IL13RA2: variants seen among roughly 807,000 people sequenced by gnomAD.
The protein encoded by IL13RA2 is interleukin 13 receptor subunit alpha 2, also known as interleukin-13 receptor subunit alpha-2.
Under a neutral mutation model 34.1 loss-of-function variants are expected in IL13RA2, and 25 were observed. The observed-to-expected ratio is 0.73, with a 90% CI of 0.53 to 1.03. IL13RA2 has a LOEUF of 1.03. Among genes scored for constraint, IL13RA2 ranks in the 50% least tolerant of loss-of-function variants. The pLI is 0.00. For synonymous variants in IL13RA2, 106 were observed against 100.4 expected (o/e 1.06, Z -0.33); for missense variants, 297 against 280.9 (o/e 1.06, Z -0.41).
chrX:115,006,491 T>C (rs1206844145), intron 8 of IL13RA2, among the ~76,000 whole-genome samples: 2 of 111,082 alleles, frequency 1.8e-5, no homozygotes, highest in Non-Finnish European at 3.8e-5. Context: ...AAGACCAGCC[T>C]AGCCGACACG....
chrX:115,007,107 G>T (rs1374799307), intron 8 of IL13RA2, among the ~76,000 whole-genome samples: 1 of 111,903 alleles, frequency 8.9e-6, no homozygotes, highest in Non-Finnish European at 1.9e-5. Flanking sequence ...TGCTTGAAAA[G>T]AGTCTGATAC....
intron 6 of IL13RA2, 86 bp from the exon 7 acceptor site, chrX:115,009,752 C>T: frequency 1.3e-6 from 1 of 793,218 alleles, no homozygotes. Flanking sequence ...CATCTGGTAA[C>T]AGAAACCTCC....
At chrX:115,014,321 G>T in intron 4 of IL13RA2, 100 bp downstream of exon 4, 2 of 587,673 alleles carry the variant, frequency 3.4e-6, no homozygotes, top group Non-Finnish European at 5.4e-6. Context: ...ACTGTCACAG[G>T]ATCTATTGTG....
intron 1 of IL13RA2, 93 bp from the exon 2 acceptor site, chrX:115,017,395 C>T (rs2071732683): frequency 2.1e-6 from 1 of 467,513 alleles, no homozygotes. Context: ...TCTCTGTGTG[C>T]TTCTCTACCA....
At chrX:115,012,759 T>C (rs2071710731) in intron 5 of IL13RA2, among the ~76,000 whole-genome samples, 1 of 101,737 alleles carries the variant, frequency 9.8e-6, no homozygotes, top group Non-Finnish European at 2.0e-5. Flanking sequence ...AGGGAGACTC[T>C]TGTCTCAAAC....
rs1403096792 is a variant in IL13RA2, at chrX:115,004,207, A to G, written c.1117-101T>C. ...ATAAGCACAAGAGCATTCAGCAAAC[A>G]AAGTGAAGCATTCTATACACATTCA... On this transcript the variant is annotated intron_variant, in intron 9 of 9. Coordinates refer to ENST00000243213, the MANE Select transcript of IL13RA2 (RefSeq NM_000640.3). 5 of 483,651 alleles carry G rather than the reference A, an allele frequency of 1.0e-5. No individual in the cohort carries two copies. In the East Asian group the frequency reaches 1.9e-4, roughly 18 times the overall value. 39.9% of individuals were successfully genotyped at this position (483,651 alleles called of 1,213,427 possible). A position where few individuals can be genotyped will look rare whatever the true frequency, so the allele number is the denominator to read the frequency against.
In IL13RA2 at chrX:115,017,534, A is replaced by G. The variant is rs1347882984; in HGVS notation, c.-34+19T>C. ...AAGAATAAAAACAAAGCTAAGCAAAAACCCTTGTAGCTCCTCACCTCCCCG... is the reference window on the plus strand; with the variant it reads ...AAGAATAAAAACAAAGCTAAGCAAAGACCCTTGTAGCTCCTCACCTCCCCG... On this transcript the variant is annotated intron_variant, in intron 1 of 9. Transcript: ENST00000243213. The G allele has an allele frequency of 3.9e-6, 1 of 258,284 alleles. No individual in the cohort carries two copies. Among genetic ancestry groups the G allele is most frequent in the East Asian group, 1.0e-4 (1 of 10,037 alleles). 21.3% of individuals were successfully genotyped at this position (258,284 alleles called of 1,213,427 possible). A position where few individuals can be genotyped will look rare whatever the true frequency, so the allele number is the denominator to read the frequency against.
At chrX:115,006,965 G>T (rs891208017) in intron 8 of IL13RA2, among the ~76,000 whole-genome samples, 2 of 111,398 alleles carry the variant, frequency 1.8e-5, no homozygotes, top group African/African-American at 6.5e-5. Context: ...CCACTGTCTT[G>T]CTATTTTTTC....
At chrX:115,014,896 G>A (rs2071720525) in intron 3 of IL13RA2, among the ~76,000 whole-genome samples, 1 of 111,649 alleles carries the variant, frequency 9.0e-6, no homozygotes, top group South Asian at 3.7e-4. Flanking sequence ...TATACCATAG[G>A]CACATTACTT....
At chrX:115,013,697 A>G in intron 5 of IL13RA2, 72 bp downstream of exon 5, 2 of 552,324 alleles carry the variant, frequency 3.6e-6, no homozygotes, top group East Asian at 7.0e-5. Flanking sequence ...GTGAAAATAT[A>G]GTTTACTCAT....
chrX:115,017,038 A>G, intron 2 of IL13RA2, 138 bp downstream of exon 2: 2 of 443,577 alleles, frequency 4.5e-6, no homozygotes, highest in Non-Finnish European at 7.9e-6. Context: ...ACTTCCTGAA[A>G]TAGTTTCAAT....
At chrX:115,014,850 A>C (rs184714863) in intron 3 of IL13RA2, among the ~76,000 whole-genome samples, 1 of 111,475 alleles carries the variant, frequency 9.0e-6, no homozygotes, top group Non-Finnish European at 1.9e-5. Context: ...CAGAAACTTG[A>C]GCTATATCTG....
At position 115,006,405 on chromosome X, in the gene IL13RA2, G is replaced by T. The variant is rs950185905; in HGVS notation, c.998-1090C>A. ...TCATTAAGATTCTATGAAGAGGGCT[G>T]GGCACAGTGGCTCATGCCTGTAATC... On this transcript the variant is annotated intron_variant, in intron 8 of 9. Transcript: ENST00000243213. 9.8e-5 allele frequency among the ~76,000 whole-genome samples: 11 copies of T among 112,191 alleles called. No individual in the cohort carries two copies. The East Asian group carries it at 3.1e-3, about 31-fold the overall frequency.
intron 6 of IL13RA2, 113 bp downstream of exon 6, chrX:115,010,527 CTCTG>C (rs1346399997): frequency 2.1e-4 from 84 of 401,163 alleles, no homozygotes; most frequent in South Asian, 4.1e-4. Context: ...CTGTCTCTCT[CTCTG>C]TCTATGTCTC....
intron 8 of IL13RA2, among the ~76,000 whole-genome samples, chrX:115,006,971 T>G: frequency 8.9e-6 from 1 of 111,977 alleles, no homozygotes; most frequent in East Asian, 2.8e-4. Flanking sequence ...TCTTGCTATT[T>G]TTTCTCCATA....
At position 115,014,483 on chromosome X, in the gene IL13RA2, C is replaced by A. The variant is rs1448826894; in HGVS notation, c.338G>T (p.Cys113Phe). ...ACTTTGAACTTCTGATCCATTTGTGCATTGCCATGGTAAAAGCGTGTGTAT... is the reference window on the plus strand; with the variant it reads ...ACTTTGAACTTCTGATCCATTTGTGAATTGCCATGGTAAAAGCGTGTGTAT... ...AKIHTLLPWQ[C>F]TNGSEVQSSW... Residue 113 changes from cysteine to phenylalanine, a missense_variant, in exon 4 of 10, where the codon TGC (cysteine) becomes TTC (phenylalanine). Physicochemically the swap from Cys to Phe is radical, Grantham distance 205. Transcript: ENST00000243213. 8.4e-7 allele frequency: 1 copy of A among 1,191,134 alleles called. No individual in the cohort carries two copies. Among genetic ancestry groups the A allele is most frequent in the East Asian group, 3.0e-5 (1 of 33,697 alleles).
Position 115,013,871 on chromosome X carries a change from A to G in IL13RA2, c.419T>C (p.Val140Ala), listed in dbSNP as rs781859244. ...ISPQGIPETK[V>A]QDMDCVYYNW... ...GTAATATACGCAATCCATATCCTGA[A>G]CTTTAGTTTCTGGAATTCCTAAGGA... Residue 140 changes from valine (V) to alanine (A), a missense_variant, in exon 5 of 10, where the codon GTT (valine) becomes GCT (alanine). By Grantham distance (64) the Val-to-Ala change is moderately conservative (BLOSUM62 0). Transcript: ENST00000243213. 6 of 1,043,739 alleles carry G rather than the reference A, an allele frequency of 5.7e-6. No homozygotes were observed. The Admixed American group carries it at 1.1e-4, about 19-fold the overall frequency. 86.0% of individuals were successfully genotyped at this position (1,043,739 alleles called of 1,213,427 possible).
At chrX:115,011,356 G>A (rs1394835491) in intron 5 of IL13RA2, among the ~76,000 whole-genome samples, 1 of 111,556 alleles carries the variant, frequency 9.0e-6, no homozygotes, top group African/African-American at 3.3e-5. Flanking sequence ...GAGGGCAAAA[G>A]GAAAAAGAAG....
Position 115,017,302 on chromosome X carries a change from T to C in IL13RA2, c.-33A>G. 1.6e-6 allele frequency: 1 copy of C among 619,847 alleles called. No homozygotes were observed. The highest frequency in any genetic ancestry group is 2.8e-6 in the Non-Finnish European group (1 of 362,449). 51.1% of individuals were successfully genotyped at this position (619,847 alleles called of 1,213,427 possible). ...AGATTTAAAACCTTGATATTGCCTC[T>C]CTATGAAGGAAAAATATAACATTTT... On this transcript the variant is annotated splice_region_variant and 5_prime_UTR_variant, in exon 2 of 10. Transcript: ENST00000243213.
Sources: allele counts gnomAD v4.1 joint callset (sites outside exome capture counted in the v4.1 genomes callset), GRCh38; gene constraint gnomAD v4.1.1; transcripts MANE v1.5; gene names NCBI Gene and HGNC (gene_info 2026-07-23, HGNC 2026-07-21).